Variants in ELMO1 observed in about 807,000 individuals in gnomAD.
ELMO1 encodes the protein engulfment and cell motility protein 1.
Under a neutral mutation model 98.9 loss-of-function variants are expected in ELMO1, and 26 were observed. The ratio of observed to expected loss-of-function variants is 0.26; its 90% confidence interval spans 0.19 to 0.36. ELMO1 has a LOEUF of 0.36. ELMO1 is among the 10% of genes least tolerant of loss of function. ELMO1 has a pLI of 1.00. For missense variants in ELMO1, 627 were observed against 935.2 expected, an observed-to-expected ratio of 0.67 and a Z score of 4.30; for synonymous variants, 346 against 346.0, an observed-to-expected ratio of 1.00 and a Z score of 0.00.
chr7:36,949,103 G>A (rs1013451992), intron 16 of ELMO1, among the ~76,000 whole-genome samples: 3 of 151,982 alleles, frequency 2.0e-5, no homozygotes, highest in African/African-American at 7.3e-5. Flanking sequence ...TGATCCACCC[G>A]CCTTGGCCTC....
At chr7:37,383,101 A>C (rs1802645530) in intron 1 of ELMO1, among the ~76,000 whole-genome samples, 1 of 152,248 alleles carries the variant, frequency 6.6e-6, no homozygotes, top group South Asian at 2.1e-4. Context: ...ACATTGATAC[A>C]CACTATTATA....
At chr7:37,053,094 A>G (rs1796198050) in intron 15 of ELMO1, among the ~76,000 whole-genome samples, 1 of 152,214 alleles carries the variant, frequency 6.6e-6, no homozygotes, top group Admixed American at 6.5e-5. Context: ...AGACATGGAC[A>G]AAACACATTT....
rs11979540 is a variant in ELMO1 at position 36,991,389 on chromosome 7, A to G, written c.1437+21910T>C. Among the ~76,000 whole-genome samples, 1,255 of 152,352 alleles carry G rather than the reference A, an allele frequency of 8.2e-3. 17 individuals are homozygous for G. The highest frequency in any genetic ancestry group is 0.028 in the African/African-American group (1,145 of 41,584). ...GATCAGAAGTGGGGACTCTTCCCCAATGGGTCAGAGGTGTAGCCACTACTG... is the reference window on the plus strand; with the variant it reads ...GATCAGAAGTGGGGACTCTTCCCCAGTGGGTCAGAGGTGTAGCCACTACTG... On this transcript the variant is annotated intron_variant, in intron 16 of 21. Coordinates refer to ENST00000310758, the MANE Select transcript of ELMO1 (RefSeq NM_014800.11).
At chr7:37,033,533 C>T (rs574453432) in intron 15 of ELMO1, 3 of 384,622 alleles carry the variant, frequency 7.8e-6, no homozygotes, top group African/African-American at 2.1e-5. Context: ...TGGATTATAA[C>T]TTTCCAGCAA....
intron 4 of ELMO1, among the ~76,000 whole-genome samples, chr7:37,284,136 G>A (rs891915736): frequency 6.6e-6 from 1 of 152,094 alleles, no homozygotes; most frequent in African/African-American, 2.4e-5. Context: ...GAGAAGCAGA[G>A]GACTGGGAGG....
intron 4 of ELMO1, among the ~76,000 whole-genome samples, chr7:37,278,589 T>C (rs979120073): frequency 6.6e-6 from 1 of 152,182 alleles, no homozygotes; most frequent in Non-Finnish European, 1.5e-5. Context: ...GGACAGTAGA[T>C]AGCAGATTCA....
At chr7:36,993,672 T>C (rs1290893299) in intron 16 of ELMO1, among the ~76,000 whole-genome samples, 3 of 152,242 alleles carry the variant, frequency 2.0e-5, no homozygotes, top group African/African-American at 7.2e-5. Context: ...TATTGTCCAG[T>C]ACTTGCCTGC....
At chr7:37,277,393 A>G (rs1047489655) in intron 4 of ELMO1, among the ~76,000 whole-genome samples, 7 of 152,246 alleles carry the variant, frequency 4.6e-5, no homozygotes, top group African/African-American at 1.4e-4. Context: ...AGGAAACAGC[A>G]CATCTCAAAG....
intron 16 of ELMO1, among the ~76,000 whole-genome samples, chr7:36,919,734 G>GA (rs1454017513): frequency 2.0e-5 from 3 of 152,092 alleles, no homozygotes; most frequent in African/African-American, 7.2e-5. Flanking sequence ...CAAGCTCTGT[G>GA]ATCGATGCTG....
At chr7:37,262,969 T>A (rs909061359) in intron 5 of ELMO1, among the ~76,000 whole-genome samples, 5 of 151,994 alleles carry the variant, frequency 3.3e-5, no homozygotes, top group African/African-American at 1.2e-4. Flanking sequence ...CATCATGGAG[T>A]CCGCCAGGAA....
intron 16 of ELMO1, chr7:37,001,949 T>C (rs1338777453): frequency 6.6e-6 from 1 of 152,090 alleles, no homozygotes; most frequent in East Asian, 1.9e-4. Context: ...ATTCGGAAAA[T>C]GGAAAGGTTT....
intron 1 of ELMO1, among the ~76,000 whole-genome samples, chr7:37,357,830 C>T (rs534609937): frequency 6.6e-6 from 1 of 152,316 alleles, no homozygotes. Context: ...ACTGTGAGAG[C>T]TTTTCACACA....
intron 14 of ELMO1, among the ~76,000 whole-genome samples, chr7:37,124,607 A>T (rs200987170): frequency 3.9e-5 from 6 of 152,314 alleles, no homozygotes; most frequent in African/African-American, 1.4e-4. Flanking sequence ...CGAGGAGAAC[A>T]ACAAACCACT....
At chr7:36,888,580 GT>G (rs1375396640) in intron 17 of ELMO1, among the ~76,000 whole-genome samples, 1 of 152,166 alleles carries the variant, frequency 6.6e-6, no homozygotes, top group Admixed American at 6.5e-5. Context: ...CTAAGTCTCA[GT>G]TTCTTCATCT....
At chr7:37,348,563 C>T (rs941969956) in intron 1 of ELMO1, among the ~76,000 whole-genome samples, 1 of 152,108 alleles carries the variant, frequency 6.6e-6, no homozygotes, top group African/African-American at 2.4e-5. Context: ...AAAGAGGAAT[C>T]ACTTCTTCTA....
At chr7:36,938,229 T>C (rs1786718952) in intron 16 of ELMO1, among the ~76,000 whole-genome samples, 1 of 152,232 alleles carries the variant, frequency 6.6e-6, no homozygotes, top group South Asian at 2.1e-4. Flanking sequence ...ATTGTAATTA[T>C]GTAATTTGAT....
At chr7:37,185,825 C>A (rs1791169420) in intron 13 of ELMO1, among the ~76,000 whole-genome samples, 1 of 152,190 alleles carries the variant, frequency 6.6e-6, no homozygotes, top group Non-Finnish European at 1.5e-5. Flanking sequence ...CTAAATAAAT[C>A]AATGGGTATC....
intron 2 of ELMO1, among the ~76,000 whole-genome samples, chr7:37,335,554 T>C (rs1800355590): frequency 6.6e-6 from 1 of 152,138 alleles, no homozygotes; most frequent in Non-Finnish European, 1.5e-5. Flanking sequence ...GAATCATCCA[T>C]GTCTATTTTT....
chr7:37,358,199 C>T (rs970608487), intron 1 of ELMO1, among the ~76,000 whole-genome samples: 7 of 152,152 alleles, frequency 4.6e-5, no homozygotes, highest in African/African-American at 1.7e-4. Flanking sequence ...CCTGTGTTGG[C>T]AGTTTGCTAA....
Sources: allele counts gnomAD v4.1 joint callset (sites outside exome capture counted in the v4.1 genomes callset), GRCh38; gene constraint gnomAD v4.1.1; transcripts MANE v1.5; gene names NCBI Gene and HGNC (gene_info 2026-07-23, HGNC 2026-07-21).